The following KIFC3 variants were observed in gnomAD, a reference collection of about 807,000 sequenced individuals.
KIFC3 encodes the protein kinesin family member C3, also known as kinesin-like protein KIFC3.
KIFC3 carries 60 observed loss-of-function variants against 101.8 expected under a neutral mutation model. That is an observed-to-expected ratio of 0.59 (90% CI 0.48 to 0.73). KIFC3 has a LOEUF of 0.73. KIFC3 is among the 30% of genes least tolerant of loss of function. The pLI, the probability that KIFC3 is intolerant of heterozygous loss-of-function variation, is 0.00. For missense variants in KIFC3, 966 were observed against 1,137.1 expected, an observed-to-expected ratio of 0.85 and a Z score of 2.16; for synonymous variants, 476 against 482.7, an observed-to-expected ratio of 0.99 and a Z score of 0.18.
rs2055171830 is a variant in KIFC3 at position 57,814,505 on chromosome 16, A to C, written c.109-16223T>G. ...TACTATGTGCCAGGTACTATGTGCT[A>C]AGTACTCTACATGAACTCTCCCATT... is the stretch of plus-strand genomic sequence containing the variant. On this transcript the variant is annotated intron_variant, in intron 1 of 2. Transcript: ENST00000563028. 2.0e-5 allele frequency among the ~76,000 whole-genome samples: 3 copies of C among 152,204 alleles called. No individual in the cohort carries two copies. The South Asian group carries it at 6.2e-4, about 32-fold the overall frequency.
intron 1 of KIFC3, among the ~76,000 whole-genome samples, chr16:57,847,268 A>G (rs113791358): frequency 0.03 from 1,770 of 58,206 alleles, 28 homozygotes; most frequent in Middle Eastern, 0.11. Flanking sequence ...GGAAGGAAGG[A>G]AGGGAAGGGA....
chr16:57,794,418 GT>G (rs781830304), intron 3 of KIFC3, among the ~76,000 whole-genome samples: 82 of 151,328 alleles, frequency 5.4e-4, no homozygotes, highest in African/African-American at 1.6e-3. Context: ...TAGAGATAGG[GT>G]CTCACTATAT....
At chr16:57,852,288 T>C (rs1352180085) in intron 1 of KIFC3, among the ~76,000 whole-genome samples, 1 of 152,150 alleles carries the variant, frequency 6.6e-6, no homozygotes, top group Non-Finnish European at 1.5e-5. Context: ...GAGCACTCAT[T>C]GGAGGGTCCT....
chr16:57,781,191 T>C (rs782527263), intron 3 of KIFC3, among the ~76,000 whole-genome samples: 4 of 152,154 alleles, frequency 2.6e-5, no homozygotes, highest in Non-Finnish European at 4.4e-5. Context: ...GGTGGACACC[T>C]GTGGTCCTAG....
At chr16:57,849,915 A>C (rs35361426) in intron 1 of KIFC3, among the ~76,000 whole-genome samples, 11,603 of 151,562 alleles carry the variant, frequency 0.077, 560 homozygotes, top group African/African-American at 0.13. Flanking sequence ...ACAACAACAA[A>C]AAATAGTTAA....
intron 1 of KIFC3, among the ~76,000 whole-genome samples, chr16:57,799,670 C>A (rs2054592988): frequency 2.0e-5 from 3 of 152,154 alleles, no homozygotes; most frequent in African/African-American, 7.2e-5. Flanking sequence ...CCACCAACGC[C>A]ACAGGTGAGG....
At chr16:57,856,485 A>AAGGG (rs201470112) in intron 1 of KIFC3, among the ~76,000 whole-genome samples, 12 of 133,548 alleles carry the variant, frequency 9.0e-5, no homozygotes, top group African/African-American at 2.2e-4. Flanking sequence ...GGAAGGAAAG[A>AAGGG]AGGGAGGGAG....
chr16:57,821,670 G>A lies in KIFC3; in HGVS notation c.109-23388C>T, dbSNP rs117098899. Among the ~76,000 whole-genome samples the A allele has an allele frequency of 4.7e-3, 721 of 152,234 alleles. 27 individuals carry two copies. Among genetic ancestry groups the A allele is most frequent in the Admixed American group, 0.041 (626 of 15,284 alleles). The stretch of plus-strand genomic sequence containing the variant: ...TTCTTATCTCTACTGGTACATATTC[G>A]GGGAGGGGTGCTATTATAGGTAGGA... On this transcript the variant is annotated intron_variant, in intron 1 of 2. Coordinates refer to the KIFC3 transcript ENST00000563028.
intron 1 of KIFC3, among the ~76,000 whole-genome samples, chr16:57,800,049 G>C (rs781930870): frequency 7.9e-5 from 12 of 151,986 alleles, no homozygotes; most frequent in Non-Finnish European, 1.2e-4. Flanking sequence ...TCTAGAATAG[G>C]GGGAGAGTTG....
chr16:57,768,536 C>CACACACACACACAT (rs1555604749), intron 9 of KIFC3, among the ~76,000 whole-genome samples: 19 of 151,904 alleles, frequency 1.3e-4, no homozygotes, highest in South Asian at 6.3e-4. Context: ...CACACACACA[C>CACACACACACACAT]GCACAATTGG....
chr16:57,850,465 G>GTTTTTTTTTTTTTTTTTTT (rs373157438), intron 1 of KIFC3, among the ~76,000 whole-genome samples: 2 of 84,080 alleles, frequency 2.4e-5, no homozygotes, highest in Admixed American at 1.8e-4. Flanking sequence ...TTTAAAAAGG[G>GTTTTTTTTTTTTTTTTTTT]TTTTTTTTTT....
At chr16:57,855,744 G>A (rs1301057832) in intron 1 of KIFC3, among the ~76,000 whole-genome samples, 3 of 151,906 alleles carry the variant, frequency 2.0e-5, no homozygotes, top group Non-Finnish European at 1.5e-5. Context: ...TCAGGAGTTC[G>A]AGACCAGCCT....
chr16:57,850,484 T>TC (rs1200493332), intron 1 of KIFC3, among the ~76,000 whole-genome samples: 1 of 130,824 alleles, frequency 7.6e-6, no homozygotes, highest in Non-Finnish European at 1.7e-5. Context: ...TTTTTTTTTT[T>TC]TTTTTGAGAT....
At chr16:57,852,926 T>C (rs530976293) in intron 1 of KIFC3, among the ~76,000 whole-genome samples, 1 of 151,980 alleles carries the variant, frequency 6.6e-6, no homozygotes, top group African/African-American at 2.4e-5. Flanking sequence ...AGAATTTCTT[T>C]TTTGTATAGA....
intron 3 of KIFC3, among the ~76,000 whole-genome samples, chr16:57,794,237 CTT>C (rs782736400): frequency 9.0e-5 from 13 of 143,694 alleles, no homozygotes; most frequent in Admixed American, 2.1e-4. Flanking sequence ...TTTTTCTTTT[CTT>C]TTTTTTTTTT....
chr16:57,814,490 C>T (rs148611601), intron 1 of KIFC3, among the ~76,000 whole-genome samples: 1,989 of 152,262 alleles, frequency 0.013, 19 homozygotes, highest in South Asian at 0.024. Context: ...TACTATGTGC[C>T]AGGTACTATG....
intron 1 of KIFC3, among the ~76,000 whole-genome samples, chr16:57,821,144 G>A (rs4784862): frequency 0.46 from 69,003 of 149,560 alleles, 17,019 homozygotes; most frequent in African/African-American, 0.64. Flanking sequence ...AAAAAAAAAA[G>A]GGAGGACTAT....
chr16:57,772,326 C>G (rs782447964), intron 3 of KIFC3, 38 bp from the exon 4 acceptor site: 2 of 1,580,164 alleles, frequency 1.3e-6, no homozygotes, highest in African/African-American at 2.7e-5. Context: ...GAGCCTCAGT[C>G]CTCAGCTCCA....
In KIFC3 at chr16:57,761,446, CTCAG is replaced by C. The variant is rs2049845270; in HGVS notation, c.1835_1838del (p.Thr612SerfsTer28). 1.9e-6 allele frequency: 3 copies of C among 1,614,108 alleles called. No individual in the cohort carries two copies. The highest frequency in any genetic ancestry group is 2.5e-6 in the Non-Finnish European group (3 of 1,179,950). On this transcript the variant is annotated frameshift_variant, in exon 14 of 20. Coordinates refer to ENST00000445690, the MANE Select transcript of KIFC3 (RefSeq NM_001130100.2). LOFTEE classifies it high-confidence loss of function. ...TGTCGTCCACGCTCTGCACTTGGAA[CTCAG>C]TCAGCCCTGGTACATACAGCTGCCC...
Sources: allele counts gnomAD v4.1 joint callset (sites outside exome capture counted in the v4.1 genomes callset), GRCh38; gene constraint gnomAD v4.1.1; transcripts MANE v1.5; gene names NCBI Gene and HGNC (gene_info 2026-07-23, HGNC 2026-07-21).